Variants in GABRB2 observed in about 807,000 individuals in gnomAD.
GABRB2 encodes gamma-aminobutyric acid receptor subunit beta-2.
In GABRB2, 16 loss-of-function variants were observed where a neutral mutation model predicts 54.7. The ratio of observed to expected loss-of-function variants is 0.29; its 90% CI spans 0.20 to 0.44. GABRB2 has a LOEUF of 0.44. Ranked by LOEUF, GABRB2 falls within the 20% of genes least tolerant of loss-of-function variation. The pLI is 1.00. For missense variants in GABRB2, 355 were observed against 644.0 expected (o/e 0.55, Z 4.86); for synonymous variants, 244 against 233.8 (o/e 1.04, Z -0.40).
At chr5:161,447,306 A>G (rs1580993983) in intron 4 of GABRB2, among the ~76,000 whole-genome samples, 1 of 152,168 alleles carries the variant, frequency 6.6e-6, no homozygotes, top group Admixed American at 6.6e-5. Context: ...GTCTGGCCTC[A>G]TTATGCAATG....
At chr5:161,527,731 A>T (rs1760327185) in intron 3 of GABRB2, among the ~76,000 whole-genome samples, 3 of 151,786 alleles carry the variant, frequency 2.0e-5, no homozygotes, top group Admixed American at 6.6e-5. Context: ...AGTGTCTGAG[A>T]TAGTTAACTG....
intron 9 of GABRB2, among the ~76,000 whole-genome samples, chr5:161,301,121 T>C (rs571882070): frequency 2.7e-4 from 41 of 152,304 alleles, no homozygotes; most frequent in African/African-American, 9.6e-4. Flanking sequence ...GCAATGGAGC[T>C]GGCATTTAAC....
intron 3 of GABRB2, among the ~76,000 whole-genome samples, chr5:161,531,507 CATT>C (rs1457983581): frequency 1.3e-5 from 2 of 151,978 alleles, no homozygotes; most frequent in Non-Finnish European, 2.9e-5. Context: ...CTCTACAAAA[CATT>C]ATTTTTTTTC....
chr5:161,376,579 C>T (rs989350), intron 5 of GABRB2, among the ~76,000 whole-genome samples: 139,901 of 152,222 alleles, frequency 0.92, 64,389 homozygotes, highest in African/African-American at 0.98. Context: ...ATGTGCTGTT[C>T]ATGTAAGGAT....
At chr5:161,396,026 A>T (rs1222442608) in intron 5 of GABRB2, among the ~76,000 whole-genome samples, 2 of 152,202 alleles carry the variant, frequency 1.3e-5, no homozygotes, top group Admixed American at 1.3e-4. Context: ...ATAACCAAAG[A>T]AAAAAGAGAA....
At chr5:161,379,720 GAGTCAAAT>G (rs1213518377) in intron 5 of GABRB2, among the ~76,000 whole-genome samples, 3 of 152,036 alleles carry the variant, frequency 2.0e-5, no homozygotes, top group African/African-American at 7.2e-5. Context: ...CCCCCTTTCT[GAGTCAAAT>G]CAACTTGCAC....
At chr5:161,542,213 A>G (rs1307404655) in intron 3 of GABRB2, among the ~76,000 whole-genome samples, 1 of 152,194 alleles carries the variant, frequency 6.6e-6, no homozygotes, top group Non-Finnish European at 1.5e-5. Context: ...TGATCACCAC[A>G]GAAAATATAA....
At chr5:161,466,526 A>T (rs1223273730) in intron 3 of GABRB2, among the ~76,000 whole-genome samples, 1 of 152,114 alleles carries the variant, frequency 6.6e-6, no homozygotes, top group Non-Finnish European at 1.5e-5. Context: ...ACCAAAAAAA[A>T]GGAAACACCA....
At chr5:161,494,855 A>AATT (rs1263277823) in intron 3 of GABRB2, among the ~76,000 whole-genome samples, 2 of 151,912 alleles carry the variant, frequency 1.3e-5, no homozygotes, top group African/African-American at 2.4e-5. Context: ...AACATTTGTC[A>AATT]TAATGCTTCC....
intron 3 of GABRB2, among the ~76,000 whole-genome samples, chr5:161,537,685 C>T (rs1760683574): frequency 6.6e-6 from 1 of 152,208 alleles, no homozygotes; most frequent in Non-Finnish European, 1.5e-5. Flanking sequence ...CCACCCTCTA[C>T]ACTTCAGAAC....
intron 5 of GABRB2, among the ~76,000 whole-genome samples, chr5:161,382,395 A>G (rs1248085005): frequency 6.6e-6 from 1 of 152,154 alleles, no homozygotes; most frequent in African/African-American, 2.4e-5. Context: ...TGCAGAACAA[A>G]TCCATTTATC....
chr5:161,330,933 C>T lies in GABRB2; in HGVS notation c.1027G>A (p.Glu343Lys). Residue 343 changes from glutamate (E) to lysine (K), a missense_variant, in exon 8 of 10, where the codon GAG becomes AAG. Physicochemically the swap from Glu to Lys is moderately conservative, Grantham distance 56. Coordinates refer to ENST00000393959, the MANE Select transcript of GABRB2 (RefSeq NM_001371727.1). ...TCATTGTTGGCACTGGCAGCCTTCT[C>T]AGCTGCTTTCTTTTGGCGTTGGGGC... ...RGPQRQKKAA[E>K]KAASANNEKM... 1 of 1,614,224 alleles carries T rather than the reference C, an allele frequency of 6.2e-7. No homozygotes were observed. Among genetic ancestry groups the T allele is most frequent in the Non-Finnish European group, 8.5e-7 (1 of 1,180,040 alleles).
chr5:161,518,128 G>A (rs920851902), intron 3 of GABRB2, among the ~76,000 whole-genome samples: 3 of 152,102 alleles, frequency 2.0e-5, no homozygotes, highest in Non-Finnish European at 2.9e-5. Context: ...TTTTTCATGA[G>A]AGAATGCTGA....
chr5:161,522,024 C>G (rs1760130215), intron 3 of GABRB2, among the ~76,000 whole-genome samples: 1 of 151,862 alleles, frequency 6.6e-6, no homozygotes, highest in East Asian at 1.9e-4. Flanking sequence ...TTTCCTCTAT[C>G]ACAGAAGTCA....
Position 161,546,675 on chromosome 5 carries a change from A to T in GABRB2, c.-32T>A, listed in dbSNP as rs1195451084. 6.4e-7 allele frequency: 1 copy of T among 1,566,748 alleles called. No homozygotes were observed. Among genetic ancestry groups the T allele is most frequent in the Non-Finnish European group, 8.7e-7 (1 of 1,154,142 alleles). The stretch of plus-strand genomic sequence containing the variant: ...AGTTTTTGATGGAATTGAGGGTTTC[A>T]CTGAAGAGAGGAGATCCAACTTAGT... On this transcript the variant is annotated 5_prime_UTR_variant, in exon 1 of 10. Coordinates refer to ENST00000393959, the MANE Select transcript of GABRB2 (RefSeq NM_001371727.1).
chr5:161,352,545 G>T (rs1754505970), intron 5 of GABRB2, among the ~76,000 whole-genome samples: 2 of 152,018 alleles, frequency 1.3e-5, no homozygotes, highest in Admixed American at 6.6e-5. Flanking sequence ...GGTTACCACA[G>T]GCTGGCAGGA....
At chr5:161,502,246 T>C (rs1327098738) in intron 3 of GABRB2, among the ~76,000 whole-genome samples, 1 of 152,024 alleles carries the variant, frequency 6.6e-6, no homozygotes, top group Non-Finnish European at 1.5e-5. Flanking sequence ...TGAACTTCAC[T>C]ATACTATAGA....
At chr5:161,527,697 ACAAATGG>A (rs983587808) in intron 3 of GABRB2, among the ~76,000 whole-genome samples, 6 of 151,674 alleles carry the variant, frequency 4.0e-5, no homozygotes, top group African/African-American at 7.2e-5. Context: ...GAGAAGAAAT[ACAAATGG>A]CCTATAAACA....
chr5:161,299,559 A>G (rs1757476817), intron 9 of GABRB2, among the ~76,000 whole-genome samples: 1 of 152,144 alleles, frequency 6.6e-6, no homozygotes, highest in East Asian at 1.9e-4. Flanking sequence ...ATATCTGGAC[A>G]TATCTGACTT....
Sources: allele counts gnomAD v4.1 joint callset (sites outside exome capture counted in the v4.1 genomes callset), GRCh38; gene constraint gnomAD v4.1.1; transcripts MANE v1.5; gene names NCBI Gene and HGNC (gene_info 2026-07-23, HGNC 2026-07-21).